The following CNTNAP2 variants were observed in gnomAD, a reference collection of about 807,000 sequenced individuals.
The protein encoded by CNTNAP2 is contactin-associated protein-like 2.
Under a neutral mutation model 155.2 loss-of-function variants are expected in CNTNAP2, and 98 were observed. That is an observed-to-expected ratio of 0.63 (90% CI 0.54 to 0.75). The LOEUF (loss-of-function observed/expected upper bound fraction) is 0.75. Among genes scored for constraint, CNTNAP2 ranks in the 30% least tolerant of loss-of-function variants. CNTNAP2 has a pLI of 0.00. For synonymous variants in CNTNAP2, 651 were observed against 631.2 expected, an observed-to-expected ratio of 1.03 and a Z score of -0.47; for missense variants, 1,727 against 1,688.1, an observed-to-expected ratio of 1.02 and a Z score of -0.40.
chr7:148,278,446 T>A (rs145234488), intron 21 of CNTNAP2, among the ~76,000 whole-genome samples: 11,404 of 151,962 alleles, frequency 0.075, 461 homozygotes, highest in African/African-American at 0.094. Flanking sequence ...GGTGGTCACC[T>A]GTAGTCCCAG....
In CNTNAP2 at chr7:146,639,950, A is replaced by T. The variant is rs115305348; in HGVS notation, c.98-134321A>T. Among the ~76,000 whole-genome samples, 831 of 152,322 alleles carry T rather than the reference A, an allele frequency of 5.5e-3. 8 individuals carry two copies. Among genetic ancestry groups the T allele is most frequent in the African/African-American group, 0.019 (771 of 41,586 alleles). ...AAATAGCCAACGGCACCCAAGACTT[A>T]GTAGCTTTTGAAGCTTCACCATTGA... On this transcript the variant is annotated intron_variant, in intron 1 of 23. Transcript: ENST00000361727.
intron 1 of CNTNAP2, among the ~76,000 whole-genome samples, chr7:146,361,679 G>A (rs949856928): frequency 4.6e-5 from 7 of 152,102 alleles, no homozygotes; most frequent in African/African-American, 4.8e-5. Flanking sequence ...TTCTTTATAG[G>A]TCAGGATCCA....
chr7:146,825,971 G>A (rs1342973355), intron 2 of CNTNAP2, among the ~76,000 whole-genome samples: 1 of 152,028 alleles, frequency 6.6e-6, no homozygotes, highest in African/African-American at 2.4e-5. Flanking sequence ...ATTATTGCCT[G>A]TTTAATAATA....
chr7:146,793,919 G>C (rs1343514015), intron 2 of CNTNAP2, among the ~76,000 whole-genome samples: 1 of 152,216 alleles, frequency 6.6e-6, no homozygotes, highest in African/African-American at 2.4e-5. Flanking sequence ...AGGACTCTAG[G>C]ATGTGTCTTA....
chr7:146,767,917 C>T (rs902159281), intron 1 of CNTNAP2, among the ~76,000 whole-genome samples: 2 of 152,190 alleles, frequency 1.3e-5, no homozygotes, highest in South Asian at 4.1e-4. Flanking sequence ...AATATTTTGA[C>T]TCTAAGGAGC....
chr7:147,730,278 T>A (rs891853530), intron 13 of CNTNAP2, among the ~76,000 whole-genome samples: 1 of 152,108 alleles, frequency 6.6e-6, no homozygotes, highest in Non-Finnish European at 1.5e-5. Context: ...TTTTGCTTTA[T>A]TGAGCTTCGC....
At chr7:147,747,437 T>C (rs1415302653) in intron 13 of CNTNAP2, among the ~76,000 whole-genome samples, 1 of 152,148 alleles carries the variant, frequency 6.6e-6, no homozygotes, top group East Asian at 1.9e-4. Flanking sequence ...TATTCTTTTT[T>C]TATGGCTGAG....
chr7:146,742,080 A>G (rs1440631055), intron 1 of CNTNAP2, among the ~76,000 whole-genome samples: 1 of 150,338 alleles, frequency 6.7e-6, no homozygotes, highest in Non-Finnish European at 1.5e-5. Flanking sequence ...AAAAAAAAAA[A>G]GAAAATTTAA....
In CNTNAP2 at chr7:147,977,944, T is replaced by A; in HGVS notation, c.2338T>A (p.Ser780Thr). ...VVVGDTDRQG[S>T]EAKLSVGPLR... is the part of the protein sequence containing the mutation. ...GGTTGGAGATACTGACCGTCAAGGC[T>A]CAGAAGCCAAATTGAGCGTAGGTCC... Residue 780 changes from serine to threonine, a missense_variant, in exon 15 of 24, where the codon TCA becomes ACA. Ser to Thr is a moderately conservative substitution (Grantham distance 58). Transcript: ENST00000361727. The A allele has an allele frequency of 6.2e-7, 1 of 1,614,070 alleles. No individual in the cohort carries two copies. The highest frequency in any genetic ancestry group is 8.5e-7 in the Non-Finnish European group (1 of 1,180,010).
Position 146,375,581 on chromosome 7 carries a change from C to T in CNTNAP2, c.97+258608C>T, listed in dbSNP as rs140797008. 4.6e-5 allele frequency among the ~76,000 whole-genome samples: 7 copies of T among 152,172 alleles called. No homozygotes were observed. The South Asian group carries it at 6.2e-4, about 14-fold the overall frequency. On this transcript the variant is annotated intron_variant, in intron 1 of 23. Transcript: ENST00000361727. The stretch of plus-strand genomic sequence containing the variant: ...AAAGAATCTAACAGTTCCTATTCTC[C>T]GAATTATAATTAGTTATTACTACAG...
intron 11 of CNTNAP2, among the ~76,000 whole-genome samples, chr7:147,508,152 C>A (rs1360348995): frequency 6.6e-6 from 1 of 152,160 alleles, no homozygotes; most frequent in Admixed American, 6.5e-5. Context: ...CAGTGACCAG[C>A]ACATAGTAGA....
intron 1 of CNTNAP2, among the ~76,000 whole-genome samples, chr7:146,348,203 G>A: frequency 6.6e-6 from 1 of 152,200 alleles, no homozygotes; most frequent in East Asian, 1.9e-4. Context: ...CGAGTCACCT[G>A]AAGTCAGGAG....
intron 12 of CNTNAP2, among the ~76,000 whole-genome samples, chr7:147,616,618 AG>A (rs1221175340): frequency 6.6e-6 from 1 of 152,182 alleles, no homozygotes. Context: ...CTCAAATATT[AG>A]GATCTCCCTT....
At chr7:147,424,624 T>G (rs1323248281) in intron 10 of CNTNAP2, among the ~76,000 whole-genome samples, 3 of 152,126 alleles carry the variant, frequency 2.0e-5, no homozygotes, top group Non-Finnish European at 4.4e-5. Flanking sequence ...AGTTCCATAT[T>G]CCATCTGTAT....
At chr7:147,291,316 C>T (rs1563148551) in intron 8 of CNTNAP2, among the ~76,000 whole-genome samples, 1 of 152,074 alleles carries the variant, frequency 6.6e-6, no homozygotes, top group Non-Finnish European at 1.5e-5. Flanking sequence ...GCTCTCCCTC[C>T]CCTTTCCCCT....
intron 8 of CNTNAP2, among the ~76,000 whole-genome samples, chr7:147,164,475 A>G (rs1251839884): frequency 6.6e-6 from 1 of 152,166 alleles, no homozygotes; most frequent in Non-Finnish European, 1.5e-5. Context: ...TATTCTTTTT[A>G]TGTTTTATTT....
chr7:147,190,428 C>T (rs1236958850), intron 8 of CNTNAP2, among the ~76,000 whole-genome samples: 1 of 152,088 alleles, frequency 6.6e-6, no homozygotes, highest in Non-Finnish European at 1.5e-5. Flanking sequence ...TTACTGGAAC[C>T]ATGTCACAGA....
At chr7:146,611,560 C>T (rs890507168) in intron 1 of CNTNAP2, among the ~76,000 whole-genome samples, 9 of 151,816 alleles carry the variant, frequency 5.9e-5, no homozygotes, top group African/African-American at 2.2e-4. Flanking sequence ...TATCTGAGGG[C>T]AAAAAGGCAA....
At chr7:146,234,844 A>G (rs1466709553) in intron 1 of CNTNAP2, among the ~76,000 whole-genome samples, 1 of 152,238 alleles carries the variant, frequency 6.6e-6, no homozygotes, top group Non-Finnish European at 1.5e-5. Context: ...CAGTTTTTAC[A>G]TAAGAAACTG....
Sources: allele counts gnomAD v4.1 joint callset (sites outside exome capture counted in the v4.1 genomes callset), GRCh38; gene constraint gnomAD v4.1.1; transcripts MANE v1.5; gene names NCBI Gene and HGNC (gene_info 2026-07-23, HGNC 2026-07-21).